CFAP299: variants seen among roughly 807,000 people sequenced by gnomAD.
The protein encoded by CFAP299 is cilia- and flagella-associated protein 299.
In CFAP299, 21 loss-of-function variants were observed where a neutral mutation model predicts 27.0. The ratio of observed to expected loss-of-function variants is 0.78; its 90% CI spans 0.55 to 1.12. The LOEUF (loss-of-function observed/expected upper bound fraction) is 1.12. CFAP299 is among the 50% of genes most tolerant of loss of function. The pLI, the probability that CFAP299 is intolerant of heterozygous loss-of-function variation, is 0.00. For missense variants in CFAP299, 310 were observed against 276.6 expected (o/e 1.12, Z -0.86); for synonymous variants, 104 against 98.1 (o/e 1.06, Z -0.36).
chr4:80,834,762 A>C (rs1217939081), intron 3 of CFAP299, among the ~76,000 whole-genome samples: 1 of 152,182 alleles, frequency 6.6e-6, no homozygotes, highest in Non-Finnish European at 1.5e-5. Flanking sequence ...AGCAGGATCC[A>C]AACCTCATGG....
intron 3 of CFAP299, among the ~76,000 whole-genome samples, chr4:80,629,129 A>G (rs13141564): frequency 0.19 from 28,776 of 152,140 alleles, 3,317 homozygotes; most frequent in South Asian, 0.37. Context: ...CTATTAAGCC[A>G]TAAAAAAGAA....
intron 3 of CFAP299, among the ~76,000 whole-genome samples, chr4:80,606,013 G>A (rs1239600350): frequency 1.3e-5 from 2 of 152,104 alleles, no homozygotes; most frequent in Admixed American, 6.5e-5. Flanking sequence ...CCTTTCTTTT[G>A]CATTCCTATG....
At chr4:80,910,085 CAA>C (rs1735391399) in intron 4 of CFAP299, among the ~76,000 whole-genome samples, 1 of 152,072 alleles carries the variant, frequency 6.6e-6, no homozygotes, top group South Asian at 2.1e-4. Flanking sequence ...GTTAGCCTAG[CAA>C]GTTAGCACAC....
intron 4 of CFAP299, among the ~76,000 whole-genome samples, chr4:80,924,538 G>GTGTGTGTATATATA (rs5859742): frequency 7.6e-6 from 1 of 131,670 alleles, no homozygotes; most frequent in African/African-American, 3.1e-5. Context: ...GTGTGTGTGT[G>GTGTGTGTATATATA]TATATATATA....
chr4:80,443,593 G>A (rs781154764), intron 2 of CFAP299, among the ~76,000 whole-genome samples: 7 of 152,182 alleles, frequency 4.6e-5, no homozygotes, highest in South Asian at 2.1e-4. Context: ...GGGCAAAAGC[G>A]GGAAACATTT....
intron 3 of CFAP299, among the ~76,000 whole-genome samples, chr4:80,602,051 G>A (rs1343679213): frequency 1.3e-5 from 2 of 152,088 alleles, no homozygotes; most frequent in African/African-American, 2.4e-5. Flanking sequence ...CACATACTGG[G>A]GTCTATCACA....
At chr4:80,470,426 T>C (rs373118631) in intron 2 of CFAP299, among the ~76,000 whole-genome samples, 13 of 151,764 alleles carry the variant, frequency 8.6e-5, no homozygotes, top group African/African-American at 3.2e-4. Flanking sequence ...TTTTAATAAA[T>C]CAAATTCATG....
intron 3 of CFAP299, among the ~76,000 whole-genome samples, chr4:80,790,886 C>T (rs1359149657): frequency 6.6e-6 from 1 of 151,934 alleles, no homozygotes; most frequent in Non-Finnish European, 1.5e-5. Flanking sequence ...TACCCCAAAT[C>T]CTAAATAGCA....
At chr4:80,821,431 G>T (rs756396141) in intron 3 of CFAP299, among the ~76,000 whole-genome samples, 1 of 152,004 alleles carries the variant, frequency 6.6e-6, no homozygotes, top group Non-Finnish European at 1.5e-5. Flanking sequence ...TTTGGAAAAC[G>T]AATTATACAA....
intron 4 of CFAP299, among the ~76,000 whole-genome samples, chr4:80,943,774 T>A (rs1259086386): frequency 6.6e-6 from 1 of 151,970 alleles, no homozygotes; most frequent in Non-Finnish European, 1.5e-5. Flanking sequence ...GTACAAAATA[T>A]AAAAATAAAA....
chr4:80,702,736 C>CT (rs1185690067), intron 3 of CFAP299, among the ~76,000 whole-genome samples: 1 of 151,808 alleles, frequency 6.6e-6, no homozygotes, highest in Non-Finnish European at 1.5e-5. Context: ...ATAAAGTTAG[C>CT]TTATATTAAG....
At chr4:80,859,340 C>T (rs550361298) in intron 3 of CFAP299, among the ~76,000 whole-genome samples, 139 of 152,308 alleles carry the variant, frequency 9.1e-4, no homozygotes, top group African/African-American at 3.2e-3. Context: ...AAACAACACA[C>T]TGATGGGTCT....
intron 3 of CFAP299, among the ~76,000 whole-genome samples, chr4:80,653,858 T>C (rs911115258): frequency 2.0e-5 from 3 of 152,180 alleles, no homozygotes; most frequent in Non-Finnish European, 4.4e-5. Context: ...GTAGTAGTCT[T>C]TTCTTGCTGG....
intron 3 of CFAP299, among the ~76,000 whole-genome samples, chr4:80,643,126 GTCTC>G (rs1183839220): frequency 6.6e-6 from 1 of 152,032 alleles, no homozygotes; most frequent in Non-Finnish European, 1.5e-5. Context: ...ACAAGACCCT[GTCTC>G]TAAATAAATA....
intron 3 of CFAP299, among the ~76,000 whole-genome samples, chr4:80,625,683 G>A (rs746136795): frequency 6.6e-6 from 1 of 151,946 alleles, no homozygotes; most frequent in Admixed American, 6.6e-5. Flanking sequence ...TTAAAGTGAA[G>A]GGCTGGAGAA....
intron 3 of CFAP299, among the ~76,000 whole-genome samples, chr4:80,590,187 C>T (rs1410906584): frequency 4.6e-5 from 7 of 152,124 alleles, no homozygotes; most frequent in Admixed American, 1.3e-4. Flanking sequence ...AGGCATGTTT[C>T]GGAATGATGT....
At chr4:80,549,754 A>G (rs1354835333) in intron 2 of CFAP299, among the ~76,000 whole-genome samples, 2 of 152,102 alleles carry the variant, frequency 1.3e-5, no homozygotes, top group East Asian at 1.9e-4. Flanking sequence ...CTGTATTTGA[A>G]TGAATTCTTT....
At chr4:80,743,843 A>G (rs1724429720) in intron 3 of CFAP299, among the ~76,000 whole-genome samples, 1 of 152,198 alleles carries the variant, frequency 6.6e-6, no homozygotes, top group South Asian at 2.1e-4. Flanking sequence ...TTAAAAAAAG[A>G]AAGAAAATGC....
chr4:80,393,842 C>T (rs996130791), intron 2 of CFAP299, among the ~76,000 whole-genome samples: 7 of 152,076 alleles, frequency 4.6e-5, no homozygotes, highest in African/African-American at 1.7e-4. Context: ...GGCTCTGTGT[C>T]CCCACTCAAA....
Sources: allele counts gnomAD v4.1 joint callset (sites outside exome capture counted in the v4.1 genomes callset), GRCh38; gene constraint gnomAD v4.1.1; transcripts MANE v1.5; gene names NCBI Gene and HGNC (gene_info 2026-07-23, HGNC 2026-07-21).